The following EPC2 variants were observed in gnomAD, a reference collection of about 807,000 sequenced individuals.
EPC2 encodes the protein enhancer of polycomb 2.
A neutral mutation model predicts 92.1 loss-of-function variants in EPC2; 14 were observed. The ratio of observed to expected loss-of-function variants is 0.15; its 90% CI spans 0.10 to 0.24. The LOEUF (loss-of-function observed/expected upper bound fraction) is 0.24. Among genes scored for constraint, EPC2 ranks in the 10% least tolerant of loss-of-function variants. The pLI, the probability that EPC2 is intolerant of heterozygous loss-of-function variation, is 1.00. For missense variants in EPC2, 755 were observed against 971.5 expected, an observed-to-expected ratio of 0.78 and a Z score of 2.96; for synonymous variants, 340 against 334.7, an observed-to-expected ratio of 1.02 and a Z score of -0.17.
intron 10 of EPC2, among the ~76,000 whole-genome samples, chr2:148,775,015 G>C (rs1020677233): frequency 2.0e-5 from 3 of 151,586 alleles, no homozygotes. Context: ...CGTGAACCCG[G>C]GAGGCGGAGC....
At chr2:148,666,433 T>C (rs978339928) in intron 1 of EPC2, among the ~76,000 whole-genome samples, 5 of 152,232 alleles carry the variant, frequency 3.3e-5, no homozygotes, top group Non-Finnish European at 7.3e-5. Flanking sequence ...CATGGGCCAC[T>C]GCACCAGGCC....
In EPC2 at chr2:148,719,493, C is replaced by G. The variant is rs573459338; in HGVS notation, c.314-24129C>G. Among the ~76,000 whole-genome samples the G allele has an allele frequency of 1.3e-4, 20 of 152,302 alleles. 1 individual carries two copies. The highest frequency in any genetic ancestry group is 4.8e-4 in the African/African-American group (20 of 41,554). On this transcript the variant is annotated intron_variant, in intron 2 of 13. Coordinates refer to ENST00000258484, the MANE Select transcript of EPC2 (RefSeq NM_015630.4). ...GTCTGGTCACTCTTCTGTAGGGCTG[C>G]TGCAGTTTGCTGGAGGTCCGCTCCA...
chr2:148,769,251 T>TTG lies in EPC2; in HGVS notation c.1230+22_1230+23dup, dbSNP rs760552472. 2.6e-5 allele frequency: 41 copies of TTG among 1,590,546 alleles called. No homozygotes were observed. The highest frequency in any genetic ancestry group is 3.4e-5 in the Admixed American group (2 of 58,218). ...TGCCAGTATTATGCTGTAAGAACTT[T>TTG]TGTGTGTGTGTGGTGTTTTTGTGAA... On this transcript the variant is annotated intron_variant, in intron 8 of 13. Transcript: ENST00000258484.
intron 10 of EPC2, among the ~76,000 whole-genome samples, chr2:148,777,563 A>G (rs1290182304): frequency 6.6e-6 from 1 of 152,168 alleles, no homozygotes; most frequent in Non-Finnish European, 1.5e-5. Flanking sequence ...CATATACTCA[A>G]GAATACCTGT....
chr2:148,705,764 G>A (rs929066751), intron 2 of EPC2, among the ~76,000 whole-genome samples: 1 of 152,186 alleles, frequency 6.6e-6, no homozygotes, highest in African/African-American at 2.4e-5. Context: ...GGACCTGACT[G>A]TTAGAAGGAA....
intron 1 of EPC2, among the ~76,000 whole-genome samples, chr2:148,660,830 T>C (rs936169817): frequency 6.6e-6 from 1 of 152,028 alleles, no homozygotes; most frequent in Non-Finnish European, 1.5e-5. Context: ...TTTAGCTCAT[T>C]TGGTGTATAT....
At chr2:148,646,474 GATAT>G (rs1187072165) in intron 1 of EPC2, among the ~76,000 whole-genome samples, 1 of 151,078 alleles carries the variant, frequency 6.6e-6, no homozygotes, top group Non-Finnish European at 1.5e-5. Context: ...ATATGTAATA[GATAT>G]ATATACACGC....
At chr2:148,748,757 AT>A (rs1683033468) in intron 3 of EPC2, among the ~76,000 whole-genome samples, 1 of 152,058 alleles carries the variant, frequency 6.6e-6, no homozygotes, top group South Asian at 2.1e-4. Context: ...TTTGATTGTG[AT>A]CTGTCAAATA....
chr2:148,703,682 CTA>C (rs1681933359), intron 2 of EPC2, among the ~76,000 whole-genome samples: 1 of 152,096 alleles, frequency 6.6e-6, no homozygotes, highest in Admixed American at 6.6e-5. Flanking sequence ...CTGTGCACCA[CTA>C]TGCCTGGCTA....
intron 1 of EPC2, among the ~76,000 whole-genome samples, chr2:148,669,978 C>G (rs1430419409): frequency 6.6e-6 from 1 of 152,174 alleles, no homozygotes; most frequent in Non-Finnish European, 1.5e-5. Context: ...CAGTAGTACA[C>G]TGCTAAGTAC....
intron 2 of EPC2, among the ~76,000 whole-genome samples, chr2:148,703,820 T>C (rs1410587521): frequency 1.3e-5 from 2 of 152,238 alleles, no homozygotes; most frequent in Non-Finnish European, 2.9e-5. Flanking sequence ...TATGAGCCAC[T>C]GAATCCATTA....
intron 1 of EPC2, among the ~76,000 whole-genome samples, chr2:148,656,025 G>GT (rs551078218): frequency 0.29 from 30,138 of 102,714 alleles, 5,695 homozygotes; most frequent in East Asian, 0.69. Context: ...GTGTGTGTGT[G>GT]GGGGGGGGGG....
intron 2 of EPC2, among the ~76,000 whole-genome samples, chr2:148,704,934 A>C (rs896044116): frequency 7.6e-6 from 1 of 132,090 alleles, no homozygotes; most frequent in Non-Finnish European, 1.7e-5. Context: ...ATTTTGTTTG[A>C]GTGTTTTTAT....
intron 1 of EPC2, among the ~76,000 whole-genome samples, chr2:148,660,147 C>CT (rs940516867): frequency 6.6e-6 from 1 of 151,836 alleles, no homozygotes; most frequent in African/African-American, 2.4e-5. Flanking sequence ...TTCTTCCATA[C>CT]TTTTTTTCTA....
intron 2 of EPC2, among the ~76,000 whole-genome samples, chr2:148,690,959 A>G (rs1051211958): frequency 6.6e-6 from 1 of 152,054 alleles, no homozygotes; most frequent in Non-Finnish European, 1.5e-5. Flanking sequence ...TACCGCGCCC[A>G]CCTGAGATTT....
intron 2 of EPC2, among the ~76,000 whole-genome samples, chr2:148,714,734 C>G (rs1297067267): frequency 6.6e-6 from 1 of 152,104 alleles, no homozygotes; most frequent in Non-Finnish European, 1.5e-5. Context: ...TGTTCATGTC[C>G]TTTGACCACT....
chr2:148,663,194 GTATTAT>G (rs56337513), intron 1 of EPC2, among the ~76,000 whole-genome samples: 6,927 of 136,296 alleles, frequency 0.051, 765 homozygotes, highest in East Asian at 0.41. Context: ...CTGTGTTTTT[GTATTAT>G]TATTATTATT....
intron 2 of EPC2, among the ~76,000 whole-genome samples, chr2:148,739,830 CTTCTTTTTTTTTTTTTTTTT>C (rs1682844782): frequency 1.0e-5 from 1 of 96,722 alleles, no homozygotes; most frequent in African/African-American, 3.9e-5. Context: ...TTTTCTTCTT[CTTCTTTTTTTTTTTTTTTTT>C]TTTTTTTTGG....
At chr2:148,709,223 A>C (rs1012545993) in intron 2 of EPC2, among the ~76,000 whole-genome samples, 39 of 152,258 alleles carry the variant, frequency 2.6e-4, no homozygotes, top group African/African-American at 8.4e-4. Context: ...AGGCCAAATC[A>C]TGAGGGAACT....
Sources: gnomAD v4.1 joint callset for allele counts (sites outside exome capture counted in the v4.1 genomes callset) on GRCh38, gnomAD v4.1.1 for gene constraint, MANE v1.5 for transcripts, NCBI Gene and HGNC (gene_info 2026-07-23, HGNC 2026-07-21) for gene names.